The following C17orf67 variants were observed in gnomAD, a reference collection of about 807,000 sequenced individuals.
The protein encoded by C17orf67 is uncharacterized protein C17orf67.
C17orf67 carries 12 observed loss-of-function variants against 11.2 expected under a neutral mutation model. The ratio of observed to expected loss-of-function variants is 1.07; its 90% CI spans 0.68 to 1.73. C17orf67 has a LOEUF of 1.73. Among genes scored for constraint, C17orf67 ranks in the 40% most tolerant of loss-of-function variants. The pLI is 0.00. For synonymous variants in C17orf67, 59 were observed against 46.9 expected (o/e 1.26, Z -1.05); for missense variants, 115 against 113.5 (o/e 1.01, Z -0.06).
intron 7 of C17orf67, among the ~76,000 whole-genome samples, chr17:56,794,366 C>A (rs1905169213): frequency 6.6e-6 from 1 of 152,104 alleles, no homozygotes; most frequent in Non-Finnish European, 1.5e-5. Context: ...CTGGGCTTAC[C>A]CTCTGAAGGA....
chr17:56,812,074 A>C (rs1156263924), intron 6 of C17orf67, among the ~76,000 whole-genome samples: 1 of 152,276 alleles, frequency 6.6e-6, no homozygotes. Flanking sequence ...ACCAAAGTTA[A>C]GAAACACATT....
chr17:56,819,362 C>T (rs561878548), intron 4 of C17orf67, among the ~76,000 whole-genome samples: 1 of 152,314 alleles, frequency 6.6e-6, no homozygotes, highest in South Asian at 2.1e-4. Context: ...AAGTTCCCTG[C>T]CCCCACCACC....
At chr17:56,818,677 T>C (rs535316218) in intron 4 of C17orf67, among the ~76,000 whole-genome samples, 2 of 152,362 alleles carry the variant, frequency 1.3e-5, no homozygotes, top group Non-Finnish European at 2.9e-5. Flanking sequence ...TTTAATATTA[T>C]ATTTTAACAT....
intron 2 of C17orf67, among the ~76,000 whole-genome samples, chr17:56,832,012 A>C (rs1161290379): frequency 6.6e-6 from 1 of 151,932 alleles, no homozygotes; most frequent in Non-Finnish European, 1.5e-5. Flanking sequence ...CATTGGTGCG[A>C]TCTCAGCTCA....
At chr17:56,823,194 C>G (rs1905947177) in intron 4 of C17orf67, among the ~76,000 whole-genome samples, 1 of 152,092 alleles carries the variant, frequency 6.6e-6, no homozygotes, top group South Asian at 2.1e-4. Flanking sequence ...TGCTAGGCCT[C>G]TAATTGGAAG....
intron 4 of C17orf67, among the ~76,000 whole-genome samples, chr17:56,821,081 TTTTA>T (rs1043304601): frequency 1.3e-4 from 20 of 152,114 alleles, no homozygotes; most frequent in South Asian, 4.2e-4. Flanking sequence ...AGCTAATTAT[TTTTA>T]TTTATTTATT....
chr17:56,811,027 A>C (rs761777521), intron 6 of C17orf67, among the ~76,000 whole-genome samples: 1 of 152,174 alleles, frequency 6.6e-6, no homozygotes, highest in East Asian at 1.9e-4. Context: ...TGAGGTGAGG[A>C]GGCCTGTGGT....
chr17:56,821,604 G>A (rs965831214), intron 4 of C17orf67, among the ~76,000 whole-genome samples: 1 of 152,138 alleles, frequency 6.6e-6, no homozygotes, highest in Non-Finnish European at 1.5e-5. Context: ...TATTCTCTAT[G>A]CAGCAGCAAT....
rs1243391577 is a variant in C17orf67 at position 56,833,117 on chromosome 17, T to C, written c.-776A>G. On this transcript the variant is annotated 5_prime_UTR_variant, in exon 2 of 8. It adds an upstream start codon to the 5' untranslated region. Transcript: ENST00000397861. Reference sequence around the variant, plus strand: ...TCCTCGGCTCCCACTCCTATGTATGTATGTAGTAGGAAGGAAGCCGCTGAG... The same window carrying C: ...TCCTCGGCTCCCACTCCTATGTATGCATGTAGTAGGAAGGAAGCCGCTGAG... The C allele has an allele frequency of 6.6e-6, 1 of 152,210 alleles. No homozygotes were observed. The highest frequency in any genetic ancestry group is 6.5e-5 in the Admixed American group (1 of 15,288). The allele number at this position is 152,210 out of a possible 1,614,324, so 9.4% of individuals were successfully genotyped here.
rs182806402 is a variant in C17orf67, at chr17:56,830,585, C to T, written c.-557+2313G>A. Among the ~76,000 whole-genome samples, 496 of 152,200 alleles carry T rather than the reference C, an allele frequency of 3.3e-3. 2 individuals carry two copies. Among genetic ancestry groups the T allele is most frequent in the Middle Eastern group, 0.014 (4 of 292 alleles). ...CATTGGGGAACCCCACATCACTTTT[C>T]CCCATCTCCTCTCAATTAGCCACCA... On this transcript the variant is annotated intron_variant, in intron 2 of 7. Transcript: ENST00000397861.
Position 56,815,995 on chromosome 17 carries a change from C to G in C17orf67, c.-185G>C. The G allele has an allele frequency of 4.7e-6, 6 of 1,264,948 alleles. No individual in the cohort carries two copies. The highest frequency in any genetic ancestry group is 6.4e-6 in the Non-Finnish European group (6 of 943,924). The allele number at this position is 1,264,948 out of a possible 1,614,324, so 78.4% of individuals were successfully genotyped here. Reference sequence around the variant, plus strand: ...CCACTGAAATATTTTCCTCCGAATTCCTGTAAATTTTCATCCTGAGGAAGG... The same window carrying G: ...CCACTGAAATATTTTCCTCCGAATTGCTGTAAATTTTCATCCTGAGGAAGG... On this transcript the variant is annotated 5_prime_UTR_variant, in exon 5 of 8. Transcript: ENST00000397861.
intron 6 of C17orf67, among the ~76,000 whole-genome samples, chr17:56,810,562 G>A (rs1450447230): frequency 6.6e-6 from 1 of 152,196 alleles, no homozygotes; most frequent in Non-Finnish European, 1.5e-5. Flanking sequence ...GGACATCTGT[G>A]CGCAGCTGTT....
intron 6 of C17orf67, among the ~76,000 whole-genome samples, chr17:56,795,500 C>T (rs984390654): frequency 6.6e-5 from 10 of 152,172 alleles, no homozygotes; most frequent in South Asian, 2.1e-4. Context: ...GCGCAGTGGA[C>T]GTCAAACTTT....
chr17:56,800,611 C>T (rs1194333333), intron 6 of C17orf67, among the ~76,000 whole-genome samples: 3 of 152,186 alleles, frequency 2.0e-5, no homozygotes, highest in African/African-American at 7.2e-5. Context: ...CTGTTGTTTG[C>T]TCTGCCTAGA....
chr17:56,798,704 A>G (rs1437683606), intron 6 of C17orf67, among the ~76,000 whole-genome samples: 1 of 152,048 alleles, frequency 6.6e-6, no homozygotes. Flanking sequence ...GTGGTGGTGC[A>G]TGCCTGTAGT....
chr17:56,799,433 A>C (rs1452559402), intron 6 of C17orf67, among the ~76,000 whole-genome samples: 1 of 152,198 alleles, frequency 6.6e-6, no homozygotes, highest in Non-Finnish European at 1.5e-5. Context: ...TTAGGGTTGA[A>C]TAATATTCCA....
intron 5 of C17orf67, among the ~76,000 whole-genome samples, chr17:56,815,347 C>T (rs912675149): frequency 3.3e-5 from 5 of 152,030 alleles, no homozygotes; most frequent in African/African-American, 1.2e-4. Context: ...CTGGAAGATG[C>T]CCAGTGATAA....
rs1014522913 is a variant in C17orf67 at position 56,814,923 on chromosome 17, T to C, written c.102A>G (p.Arg34=). Residue 34 remains arginine, a synonymous_variant, in exon 6 of 8, where the codon AGA becomes AGG. Transcript: ENST00000397861. Reference sequence around the variant, plus strand: ...TGCTTGGTCTATCCTGTCGCCGAGATCTTAGGAGCTGTTTGGCCTGCTTCT... The same window carrying C: ...TGCTTGGTCTATCCTGTCGCCGAGACCTTAGGAGCTGTTTGGCCTGCTTCT... ...LTEKQAKQLL[R]SRRQDRPSKP... 8.1e-6 allele frequency: 13 copies of C among 1,614,002 alleles called. No homozygotes were observed. In the East Asian group the frequency reaches 1.1e-4, roughly 14 times the overall value.
At chr17:56,805,379 C>T (rs1905421168) in intron 6 of C17orf67, among the ~76,000 whole-genome samples, 2 of 152,068 alleles carry the variant, frequency 1.3e-5, no homozygotes, top group Non-Finnish European at 2.9e-5. Flanking sequence ...CAATGAATGG[C>T]ACTAAGTTGC....
Sources: gnomAD v4.1 joint callset for allele counts (sites outside exome capture counted in the v4.1 genomes callset) on GRCh38, gnomAD v4.1.1 for gene constraint, MANE v1.5 for transcripts, NCBI Gene and HGNC (gene_info 2026-07-23, HGNC 2026-07-21) for gene names.